Variants in TNFSF4 observed in about 807,000 individuals in gnomAD.
TNFSF4 encodes tumor necrosis factor ligand superfamily member 4.
A neutral mutation model predicts 7.3 loss-of-function variants in TNFSF4; 4 were observed. That is an observed-to-expected ratio of 0.55 (90% CI 0.27 to 1.25). The LOEUF (loss-of-function observed/expected upper bound fraction) is 1.25, where lower values mean the gene tolerates loss of function less well. Among genes scored for constraint, TNFSF4 ranks in the 50% most tolerant of loss-of-function variants. The pLI, the probability that TNFSF4 is intolerant of heterozygous loss-of-function variation, is 0.12. For missense variants in TNFSF4, 181 were observed against 208.8 expected, an observed-to-expected ratio of 0.87 and a Z score of 0.82; for synonymous variants, 76 against 83.7, an observed-to-expected ratio of 0.91 and a Z score of 0.50.
the TNFSF4 span, among the ~76,000 whole-genome samples, chr1:173,343,123 T>C: frequency 6.6e-6 from 1 of 152,338 alleles, no homozygotes. Context: ...ATATGATCAA[T>C]AACTACTGAA....
At chr1:173,382,898 ACACACACACAC>A in the TNFSF4 span, among the ~76,000 whole-genome samples, 8 of 151,898 alleles carry the variant, frequency 5.3e-5, no homozygotes, top group South Asian at 2.1e-4. Flanking sequence ...ACACACACAC[ACACACACACAC>A]AAAGGTGCGT....
the TNFSF4 span, among the ~76,000 whole-genome samples, chr1:173,247,258 A>G: frequency 6.6e-6 from 1 of 152,188 alleles, no homozygotes; most frequent in Non-Finnish European, 1.5e-5. Flanking sequence ...CTTAACATAA[A>G]AAATGAAAAA....
the TNFSF4 span, among the ~76,000 whole-genome samples, chr1:173,214,209 T>G: frequency 6.6e-6 from 1 of 152,210 alleles, no homozygotes; most frequent in African/African-American, 2.4e-5. Flanking sequence ...CTCCCCATTT[T>G]ACAGTTGAGA....
At chr1:173,257,411 AC>A in the TNFSF4 span, among the ~76,000 whole-genome samples, 1 of 152,230 alleles carries the variant, frequency 6.6e-6, no homozygotes, top group Non-Finnish European at 1.5e-5. Context: ...GCCAAACTTC[AC>A]AGTTAAGGGT....
chr1:173,347,282 G>A, the TNFSF4 span, among the ~76,000 whole-genome samples: 326 of 152,258 alleles, frequency 2.1e-3, 1 homozygote, highest in African/African-American at 7.2e-3. Context: ...AATTCTTATG[G>A]ATATCTCAAA....
the TNFSF4 span, among the ~76,000 whole-genome samples, chr1:173,335,997 T>TA: frequency 6.6e-6 from 1 of 152,168 alleles, no homozygotes; most frequent in East Asian, 1.9e-4. Flanking sequence ...GAAGATAAGG[T>TA]AATCAATAGT....
the TNFSF4 span, among the ~76,000 whole-genome samples, chr1:173,218,592 C>T: frequency 2.8e-5 from 3 of 107,282 alleles, no homozygotes; most frequent in African/African-American, 1.6e-4. Context: ...GAACAAAATT[C>T]CCCTAAAATT....
the TNFSF4 span, among the ~76,000 whole-genome samples, chr1:173,217,097 ATAAT>A: frequency 2.0e-5 from 3 of 152,170 alleles, no homozygotes; most frequent in African/African-American, 4.8e-5. Flanking sequence ...TTGGGGAAGA[ATAAT>A]TACACTCTTC....
the TNFSF4 span, among the ~76,000 whole-genome samples, chr1:173,429,041 A>G: frequency 0.6 from 90,745 of 151,864 alleles, 29,241 homozygotes; most frequent in South Asian, 0.78. Flanking sequence ...AAGAAATAAC[A>G]TATCAAATTT....
the TNFSF4 span, among the ~76,000 whole-genome samples, chr1:173,276,966 C>T: frequency 5.9e-5 from 9 of 152,178 alleles, no homozygotes; most frequent in African/African-American, 2.2e-4. Context: ...CATACAAGTA[C>T]ACAAAATTAC....
the TNFSF4 span, among the ~76,000 whole-genome samples, chr1:173,270,379 T>C: frequency 6.6e-6 from 1 of 152,072 alleles, no homozygotes; most frequent in Non-Finnish European, 1.5e-5. Flanking sequence ...GCAATGACTG[T>C]ACATAGAAAA....
the TNFSF4 span, among the ~76,000 whole-genome samples, chr1:173,414,299 G>C: frequency 6.6e-6 from 1 of 152,082 alleles, no homozygotes; most frequent in Middle Eastern, 3.2e-3. Flanking sequence ...CCTTTCCTCT[G>C]TGTGTGCACA....
chr1:173,376,705 G>A, the TNFSF4 span, among the ~76,000 whole-genome samples: 1 of 152,190 alleles, frequency 6.6e-6, no homozygotes, highest in Non-Finnish European at 1.5e-5. Context: ...ACATGGGTGG[G>A]GTGAAATAAG....
chr1:173,256,769 C>G, the TNFSF4 span, among the ~76,000 whole-genome samples: 1 of 152,338 alleles, frequency 6.6e-6, no homozygotes, highest in Non-Finnish European at 1.5e-5. Flanking sequence ...CCTCCCCTAT[C>G]TATTGGGGAA....
the TNFSF4 span, among the ~76,000 whole-genome samples, chr1:173,342,077 C>A: frequency 1.3e-5 from 2 of 152,236 alleles, no homozygotes; most frequent in Non-Finnish European, 2.9e-5. Flanking sequence ...CATTTGGTTG[C>A]CAACAGCCTC....
At chr1:173,201,340 A>C (rs981505190) in intron 1 of TNFSF4, among the ~76,000 whole-genome samples, 2 of 152,200 alleles carry the variant, frequency 1.3e-5, no homozygotes, top group Non-Finnish European at 2.9e-5. Context: ...TAATCCTAAA[A>C]ATTACATTGG....
chr1:173,358,283 C>T, the TNFSF4 span, among the ~76,000 whole-genome samples: 2 of 152,306 alleles, frequency 1.3e-5, no homozygotes, highest in African/African-American at 4.8e-5. Flanking sequence ...AGGCTCCCTG[C>T]TTTCTTATTT....
chr1:173,219,535 C>T, the TNFSF4 span, among the ~76,000 whole-genome samples: 1 of 152,122 alleles, frequency 6.6e-6, no homozygotes, highest in African/African-American at 2.4e-5. Flanking sequence ...CTGGGTATCT[C>T]CCCACAGGAA....
the TNFSF4 span, among the ~76,000 whole-genome samples, chr1:173,396,468 C>T: frequency 2.0e-5 from 3 of 152,158 alleles, no homozygotes; most frequent in African/African-American, 7.2e-5. Context: ...TATGTTCATA[C>T]CACTGCACTC....
Sources: gnomAD v4.1 joint callset for allele counts (sites outside exome capture counted in the v4.1 genomes callset) on GRCh38, gnomAD v4.1.1 for gene constraint, MANE v1.5 for transcripts, NCBI Gene and HGNC (gene_info 2026-07-23, HGNC 2026-07-21) for gene names.